The following LRP1 variants were observed in gnomAD, a reference collection of about 807,000 sequenced individuals.
The protein encoded by LRP1 is prolow-density lipoprotein receptor-related protein 1.
Under a neutral mutation model 541.5 loss-of-function variants are expected in LRP1, and 51 were observed. The ratio of observed to expected loss-of-function variants is 0.09; its 90% CI spans 0.08 to 0.12. LRP1 has a LOEUF of 0.12. LRP1 is among the 10% of genes least tolerant of loss of function. The pLI is 1.00. For missense variants in LRP1, 3,878 were observed against 6,376.2 expected, an observed-to-expected ratio of 0.61 and a Z score of 13.34; for synonymous variants, 2,219 against 2,470.8, an observed-to-expected ratio of 0.90 and a Z score of 3.02.
Position 57,185,326 on chromosome 12 carries a change from C to T in LRP1, c.6463+121C>T, listed in dbSNP as rs758331908. 1.7e-4 allele frequency: 241 copies of T among 1,436,552 alleles called. 1 individual carries two copies. In the Middle Eastern group the frequency reaches 4.4e-3, roughly 26 times the overall value. 89.0% of individuals were successfully genotyped at this position (1,436,552 alleles called of 1,614,324 possible). A position where few individuals can be genotyped will look rare whatever the true frequency, so the allele number is the denominator to read the frequency against. ...CAAGTTAGACCCATGGGGCAACTTC[C>T]GATGGCCCGAGAGACCCAGGGATGG... On this transcript the variant is annotated intron_variant, in intron 40 of 88. Coordinates refer to ENST00000243077, the MANE Select transcript of LRP1 (RefSeq NM_002332.3). The surrounding 1 kb of genome is among the most constrained non-coding windows in gnomAD (Gnocchi z 4.9).
intron 6 of LRP1, among the ~76,000 whole-genome samples, chr12:57,153,498 C>G (rs557437396): frequency 2.4e-4 from 37 of 152,302 alleles, no homozygotes; most frequent in African/African-American, 7.0e-4. Context: ...CATGGCCCTC[C>G]TCCTAGACTC....
chr12:57,196,659 T>G (rs2036539656), intron 55 of LRP1, among the ~76,000 whole-genome samples: 1 of 152,080 alleles, frequency 6.6e-6, no homozygotes, highest in Non-Finnish European at 1.5e-5. Context: ...GTCCAAAGTC[T>G]GAGCCCCGAG....
chr12:57,193,988 G>A lies in LRP1; in HGVS notation c.7894G>A (p.Asp2632Asn), dbSNP rs2036471901. Residue 2632 changes from aspartate (D) to asparagine (N), a missense_variant, in exon 48 of 89, where the codon GAC becomes AAC. Physicochemically the swap from Asp to Asn is conservative, Grantham distance 23 (BLOSUM62 1). This residue lies in a region of LRP1 where 1,100 missense variants were observed against 1,827.4 expected (regional missense o/e 0.60). Transcript: ENST00000243077. The part of the protein sequence containing the change: ...SRCNQFVDCE[D>N]ASDEMNCSAT... The stretch of plus-strand genomic sequence containing the variant: ...CTGCAACCAGTTTGTGGATTGTGAG[G>A]ACGCCTCAGATGAGATGAACTGCAG... The A allele has an allele frequency of 1.9e-6, 3 of 1,614,222 alleles. No individual in the cohort carries two copies. The highest frequency in any genetic ancestry group is 1.7e-6 in the Non-Finnish European group (2 of 1,180,042).
At position 57,128,679 on chromosome 12, in the gene LRP1, T is replaced by G. The variant is rs1056748754; in HGVS notation, c.-286T>G. The G allele has an allele frequency of 2.4e-6, 1 of 412,240 alleles. No individual in the cohort carries two copies. The highest frequency in any genetic ancestry group is 2.0e-5 in the African/African-American group (1 of 48,988). 25.5% of individuals were successfully genotyped at this position (412,240 alleles called of 1,614,324 possible). ...GCGGCTCCGAGATGGGGCTGTGAGC[T>G]TCGCCCGGGGAGGGGGAAAGAGCAG... is the stretch of plus-strand genomic sequence containing the variant. On this transcript the variant is annotated 5_prime_UTR_variant, in exon 1 of 89. Coordinates refer to ENST00000243077, the MANE Select transcript of LRP1 (RefSeq NM_002332.3).
Position 57,202,423 on chromosome 12 carries a change from G to A in LRP1, c.10597G>A (p.Glu3533Lys). 6.2e-7 allele frequency: 1 copy of A among 1,611,656 alleles called. No individual in the cohort carries two copies. The highest frequency in any genetic ancestry group is 8.5e-7 in the Non-Finnish European group (1 of 1,178,368). ...GSDEPKEECD[E>K]RTCEPYQFRC... ...GCCCTGACACTTGCCTCCTCCAGAT[G>A]AACGCACCTGTGAGCCATACCAGTT... Residue 3533 changes from glutamate to lysine, a missense_variant and splice_region_variant, in exon 68 of 89, where the codon GAA (glutamate) becomes AAA (lysine). This residue lies in a region of LRP1 where 278 missense variants were observed against 536.3 expected (regional missense o/e 0.52). Coordinates refer to ENST00000243077, the MANE Select transcript of LRP1 (RefSeq NM_002332.3).
rs1449058754 is a variant in LRP1 at position 57,206,563 on chromosome 12, T to A, written c.11681T>A (p.Phe3894Tyr). Residue 3894 changes from phenylalanine to tyrosine, a missense_variant, in exon 76 of 89, where the codon TTC becomes TAC. Around this residue, in one of 13 missense-constraint regions of LRP1, gnomAD observed 871 missense variants for 1,212.4 expected, o/e 0.72. Transcript: ENST00000243077. The surrounding 1 kb of genome is among the most constrained non-coding windows in gnomAD (Gnocchi z 4.7). ...GHPHSAYEQA[F>Y]QGDESVRIDA... ...CCCCATTCGGCTTACGAGCAGGCATTCCAGGGTGACGAGAGTGTCCGCATT... is the reference window on the plus strand; with the variant it reads ...CCCCATTCGGCTTACGAGCAGGCATACCAGGGTGACGAGAGTGTCCGCATT... The A allele has an allele frequency of 6.2e-7, 1 of 1,614,174 alleles. No homozygotes were observed. The highest frequency in any genetic ancestry group is 1.7e-5 in the Admixed American group (1 of 60,016).
At chr12:57,161,815 TG>T (rs765704787) in intron 13 of LRP1, among the ~76,000 whole-genome samples, 1 of 152,124 alleles carries the variant, frequency 6.6e-6, no homozygotes, top group Non-Finnish European at 1.5e-5. Context: ...CTCTTCACAC[TG>T]GATCACCCGT....
chr12:57,187,314 C>G lies in LRP1; in HGVS notation c.6889C>G (p.Leu2297Val), dbSNP rs745822469. The G allele has an allele frequency of 1.7e-5, 27 of 1,614,070 alleles. No homozygotes were observed. The change falls in exon 42 of 89, where the codon CTC becomes GTC. Residue 2297 changes from leucine (L) to valine (V), a missense_variant. Physicochemically the swap from Leu to Val is conservative, Grantham distance 32. Around this residue, in one of 13 missense-constraint regions of LRP1, gnomAD observed 1,100 missense variants for 1,827.4 expected, o/e 0.60. Transcript: ENST00000243077. ...GLAYHRGWDT[L>V]YWTSYTTSTI... Reference sequence around the variant, plus strand: ...GGCCTATCACCGTGGCTGGGACACTCTCTATTGGACAAGCTACACGACATC... The same window carrying G: ...GGCCTATCACCGTGGCTGGGACACTGTCTATTGGACAAGCTACACGACATC...
chr12:57,128,875 G>A lies in LRP1; in HGVS notation c.-90G>A. ...ACAGAGAAGGAGGAGGGGGAAAGGA[G>A]GAAAAGGGGGACCCCCCAACTGGGG... is the stretch of plus-strand genomic sequence containing the variant. On this transcript the variant is annotated 5_prime_UTR_variant, in exon 1 of 89. Coordinates refer to ENST00000243077, the MANE Select transcript of LRP1 (RefSeq NM_002332.3). 1 of 1,160,604 alleles carries A rather than the reference G, an allele frequency of 8.6e-7. No individual in the cohort carries two copies. Among genetic ancestry groups the A allele is most frequent in the Non-Finnish European group, 1.2e-6 (1 of 817,364 alleles). 71.9% of individuals were successfully genotyped at this position (1,160,604 alleles called of 1,614,324 possible).
Position 57,173,067 on chromosome 12 carries a change from A to C in LRP1, c.3164-101A>C, listed in dbSNP as rs1368889832. 8.3e-6 allele frequency: 8 copies of C among 961,468 alleles called. No individual in the cohort carries two copies. Among genetic ancestry groups the C allele is most frequent in the East Asian group, 5.0e-5 (2 of 39,756 alleles). 59.6% of individuals were successfully genotyped at this position (961,468 alleles called of 1,614,324 possible). On this transcript the variant is annotated intron_variant, in intron 20 of 88. Transcript: ENST00000243077. The surrounding 1 kb of genome is among the most constrained non-coding windows in gnomAD (Gnocchi z 4.7). ...AGACTCTCCAGGCCTGCCTCTGCTC[A>C]TATCCCCAGGCTGGGCTTACCGGGG...
At chr12:57,172,791 G>A (rs1480568465) in intron 20 of LRP1, among the ~76,000 whole-genome samples, 3 of 152,274 alleles carry the variant, frequency 2.0e-5, no homozygotes, top group East Asian at 1.9e-4. Flanking sequence ...ACTTTGTCTG[G>A]TTCAGTGCTG....
rs377582511 is a variant in LRP1 at position 57,208,026 on chromosome 12, G to A, written c.11860-12G>A. 1.8e-5 allele frequency: 29 copies of A among 1,612,780 alleles called. No individual in the cohort carries two copies. In the African/African-American group the frequency reaches 3.6e-4, roughly 20 times the overall value. On this transcript the variant is annotated splice_polypyrimidine_tract_variant and intron_variant, in intron 76 of 88. Coordinates refer to ENST00000243077, the MANE Select transcript of LRP1 (RefSeq NM_002332.3). ...CAAAGCAGTGGCCCCTGAACCTGTG[G>A]CTTCCATTCAGATTTCAGGGCTGAA... is the stretch of plus-strand genomic sequence containing the variant.
At chr12:57,132,810 C>G (rs779263367) in intron 1 of LRP1, among the ~76,000 whole-genome samples, 2 of 152,174 alleles carry the variant, frequency 1.3e-5, no homozygotes, top group Non-Finnish European at 2.9e-5. Flanking sequence ...CTCTTGGTAT[C>G]CCAAAAGCTT....
chr12:57,197,579 A>G lies in LRP1; in HGVS notation c.9197A>G (p.Tyr3066Cys), dbSNP rs1475091804. The G allele has an allele frequency of 6.2e-7, 1 of 1,613,934 alleles. No individual in the cohort carries two copies. Among genetic ancestry groups the G allele is most frequent in the Non-Finnish European group, 8.5e-7 (1 of 1,180,004 alleles). The change falls in exon 58 of 89, where the codon TAC becomes TGC. Residue 3066 changes from tyrosine to cysteine, a missense_variant. By Grantham distance (194) the Tyr-to-Cys change is radical. This residue lies in a region of LRP1 where 1,100 missense variants were observed against 1,827.4 expected (regional missense o/e 0.60). Transcript: ENST00000243077. This position sits in a 1 kb window ranked among gnomAD's most constrained non-coding sequence, Gnocchi z 4.5. The stretch of plus-strand genomic sequence containing the variant: ...AACGCCGTTGCCTTGGATTTTGACT[A>G]CCGAGAGCAGATGATCTACTGGACA... ...LNNAVALDFD[Y>C]REQMIYWTDV... is the part of the protein sequence containing the mutation.
rs549991538 is a variant in LRP1 at position 57,211,445 on chromosome 12, C to T, written c.13092-42C>T. 1 of 1,610,296 alleles carries T rather than the reference C, an allele frequency of 6.2e-7. No individual in the cohort carries two copies. Among genetic ancestry groups the T allele is most frequent in the Non-Finnish European group, 8.5e-7 (1 of 1,178,422 alleles). On this transcript the variant is annotated intron_variant, in intron 84 of 88. Transcript: ENST00000243077. The surrounding 1 kb of genome is among the most constrained non-coding windows in gnomAD (Gnocchi z 4.3). Reference sequence around the variant, plus strand: ...TCCCTTCCTCAGCATCCCAGGCACGCCTCTGCCAGCCCCAGCCCCAGCCTC... The same window carrying T: ...TCCCTTCCTCAGCATCCCAGGCACGTCTCTGCCAGCCCCAGCCCCAGCCTC...
chr12:57,201,347 A>C lies in LRP1; in HGVS notation c.10346-150A>C. The C allele has an allele frequency of 7.2e-7, 1 of 1,388,092 alleles. No homozygotes were observed. Among genetic ancestry groups the C allele is most frequent in the Admixed American group, 2.4e-5 (1 of 41,928 alleles). 86.0% of individuals were successfully genotyped at this position (1,388,092 alleles called of 1,614,324 possible). On this transcript the variant is annotated intron_variant, in intron 65 of 88. Transcript: ENST00000243077. This position sits in a 1 kb window ranked among gnomAD's most constrained non-coding sequence, Gnocchi z 6.4. ...AGAGACATAGAGATCCAGAAAACAA[A>C]AAGCACCAAAACTGGGGATAAACTG...
rs2036359185 is a variant in LRP1, at chr12:57,190,650, CT to C, written c.7032-153del. Among the ~76,000 whole-genome samples, 3 of 152,358 alleles carry C rather than the reference CT, an allele frequency of 2.0e-5. No individual in the cohort carries two copies. In the South Asian group the frequency reaches 6.2e-4, roughly 32 times the overall value. On this transcript the variant is annotated intron_variant, in intron 42 of 88. Transcript: ENST00000243077. Reference sequence around the variant, plus strand: ...GAACTGTCTGTGCAATAGTGGGGCCCTTCCTGGGCATTGGGGCACTGCTGGC... The same window carrying C: ...GAACTGTCTGTGCAATAGTGGGGCCCTCCTGGGCATTGGGGCACTGCTGGC...
In LRP1 at chr12:57,187,335, A is replaced by G. The variant is rs768811006; in HGVS notation, c.6910A>G (p.Thr2304Ala). The change falls in exon 42 of 89, where the codon ACA (threonine) becomes GCA (alanine). Residue 2304 changes from threonine (T) to alanine (A), a missense_variant. Physicochemically the swap from Thr to Ala is moderately conservative, Grantham distance 58 (BLOSUM62 0). This residue lies in a region of LRP1 where 1,100 missense variants were observed against 1,827.4 expected (regional missense o/e 0.60). Transcript: ENST00000243077. Reference protein sequence around the residue: ...WDTLYWTSYTTSTITRHTVDQ... With the variant: ...WDTLYWTSYTASTITRHTVDQ... Reference sequence around the variant, plus strand: ...CACTCTCTATTGGACAAGCTACACGACATCCACCATCACGCGCCACACAGT... The same window carrying G: ...CACTCTCTATTGGACAAGCTACACGGCATCCACCATCACGCGCCACACAGT... 6.2e-7 allele frequency: 1 copy of G among 1,614,202 alleles called. No individual in the cohort carries two copies. Among genetic ancestry groups the G allele is most frequent in the Non-Finnish European group, 8.5e-7 (1 of 1,180,036 alleles).
Position 57,156,968 on chromosome 12 carries a change from G to A in LRP1, c.1561+48G>A, listed in dbSNP as rs752295656. 2 of 1,507,382 alleles carry A rather than the reference G, an allele frequency of 1.3e-6. No individual in the cohort carries two copies. The highest frequency in any genetic ancestry group is 1.8e-6 in the Non-Finnish European group (2 of 1,121,582). The allele number at this position is 1,507,382 out of a possible 1,614,324, so 93.4% of individuals were successfully genotyped here. ...TGTGCCCATTGGGAGGCTGCGGGAG[G>A]GTTCCTCAGGTGTCCCCCACAGCCC... is the stretch of plus-strand genomic sequence containing the variant. On this transcript the variant is annotated intron_variant, in intron 10 of 88. Transcript: ENST00000243077. This position sits in a 1 kb window ranked among gnomAD's most constrained non-coding sequence, Gnocchi z 5.2.
Sources: gnomAD v4.1 joint callset for allele counts (sites outside exome capture counted in the v4.1 genomes callset) on GRCh38, gnomAD v4.1.1 for gene constraint, gnomAD v4.1.1 regional missense constraint, Gnocchi (gnomAD v3.1) non-coding constraint, MANE v1.5 for transcripts, NCBI Gene and HGNC (gene_info 2026-07-23, HGNC 2026-07-21) for gene names.